The following ACOXL variants were observed in gnomAD, a reference collection of about 807,000 sequenced individuals.
The protein encoded by ACOXL is acyl-CoA oxidase like.
In ACOXL, 70 loss-of-function variants were observed where a neutral mutation model predicts 71.9. That is an observed-to-expected ratio of 0.97 (90% CI 0.80 to 1.19). The LOEUF is 1.19. ACOXL is among the 50% of genes most tolerant of loss of function. The pLI is 0.00. For missense variants in ACOXL, 703 were observed against 736.3 expected (o/e 0.95, Z 0.52); for synonymous variants, 253 against 281.6 (o/e 0.90, Z 1.02).
intron 16 of ACOXL, among the ~76,000 whole-genome samples, chr2:111,053,766 T>G (rs182328874): frequency 9.2e-5 from 14 of 152,276 alleles, no homozygotes; most frequent in African/African-American, 3.1e-4. Context: ...TGCCTCCAAT[T>G]TGGGTGGGAG....
chr2:110,808,955 C>T (rs1686990567), intron 9 of ACOXL, among the ~76,000 whole-genome samples: 1 of 152,134 alleles, frequency 6.6e-6, no homozygotes, highest in South Asian at 2.1e-4. Context: ...ACATAGCAGA[C>T]AAACAGCAAA....
intron 17 of ACOXL, among the ~76,000 whole-genome samples, chr2:111,108,123 T>C (rs2069673140): frequency 6.6e-6 from 1 of 151,872 alleles, no homozygotes; most frequent in African/African-American, 2.4e-5. Context: ...ATGTATCGGG[T>C]TTTTCATAAT....
At chr2:111,094,415 A>G (rs1194921239) in intron 17 of ACOXL, 1 of 152,232 alleles carries the variant, frequency 6.6e-6, no homozygotes, top group Non-Finnish European at 1.5e-5. Context: ...TAAAGAAAAG[A>G]CATGCATTGC....
chr2:110,741,680 G>A (rs1305336740), intron 1 of ACOXL, among the ~76,000 whole-genome samples: 1 of 152,236 alleles, frequency 6.6e-6, no homozygotes, highest in Non-Finnish European at 1.5e-5. Flanking sequence ...TTGTCATCGA[G>A]TAACATCTCA....
intron 10 of ACOXL, among the ~76,000 whole-genome samples, chr2:110,900,150 G>A (rs1221324589): frequency 6.6e-6 from 1 of 150,552 alleles, no homozygotes; most frequent in Non-Finnish European, 1.5e-5. Context: ...AAAAGTCAGT[G>A]GACTTAGCTT....
intron 9 of ACOXL, among the ~76,000 whole-genome samples, chr2:110,821,829 G>T (rs1397795563): frequency 1.3e-5 from 2 of 151,834 alleles, no homozygotes; most frequent in Non-Finnish European, 2.9e-5. Context: ...TTATACTTTG[G>T]GTTATAATCT....
chr2:111,014,234 G>A (rs6730256), intron 14 of ACOXL, among the ~76,000 whole-genome samples: 13,328 of 152,048 alleles, frequency 0.088, 725 homozygotes, highest in East Asian at 0.22. Context: ...CCAGTGCAAC[G>A]AGACAGGAAA....
chr2:110,826,346 G>A (rs1006426256), intron 9 of ACOXL, among the ~76,000 whole-genome samples: 1 of 152,176 alleles, frequency 6.6e-6, no homozygotes, highest in Non-Finnish European at 1.5e-5. Flanking sequence ...CAGGTATTCA[G>A]TCACCTTCTA....
rs543332689 is a variant in ACOXL at position 110,873,323 on chromosome 2, C to T, written c.788+31918C>T. ...CCAGTGGGAGATCTGGGAGGAGGCTCGGTGGCAGCCAGAAGGCCTGGCCCC... is the reference window on the plus strand; with the variant it reads ...CCAGTGGGAGATCTGGGAGGAGGCTTGGTGGCAGCCAGAAGGCCTGGCCCC... On this transcript the variant is annotated intron_variant, in intron 10 of 17. Transcript: ENST00000439055. 3.3e-5 allele frequency among the ~76,000 whole-genome samples: 5 copies of T among 152,046 alleles called. No homozygotes were observed. In the East Asian group the frequency reaches 5.8e-4, roughly 18 times the overall value.
intron 14 of ACOXL, among the ~76,000 whole-genome samples, chr2:111,010,937 G>T (rs2064122246): frequency 6.6e-6 from 1 of 152,190 alleles, no homozygotes; most frequent in African/African-American, 2.4e-5. Flanking sequence ...AAATGCTAAG[G>T]AAGGTACTTT....
At chr2:111,018,714 G>GT (rs1329921132) in intron 14 of ACOXL, among the ~76,000 whole-genome samples, 2 of 135,006 alleles carry the variant, frequency 1.5e-5, no homozygotes, top group Admixed American at 1.4e-4. Flanking sequence ...AGGCTGGAGG[G>GT]GGTGTTGGTG....
chr2:110,924,348 T>A (rs1008597519), intron 11 of ACOXL, among the ~76,000 whole-genome samples: 1 of 152,206 alleles, frequency 6.6e-6, no homozygotes, highest in Non-Finnish European at 1.5e-5. Context: ...ACTCTTCCTT[T>A]CATGAAACAT....
rs1232803373 is a variant in ACOXL at position 111,104,650 on chromosome 2, T to C, written c.1542+11684T>C. Among the ~76,000 whole-genome samples the C allele has an allele frequency of 2.0e-5, 3 of 152,330 alleles. No individual in the cohort carries two copies. The East Asian group carries it at 5.8e-4, about 29-fold the overall frequency. The stretch of plus-strand genomic sequence containing the variant: ...CTGTATGTTCTCTTTGTTGAAAAGT[T>C]TGTTCACTTCATTTGCCCATTTCTA... On this transcript the variant is annotated intron_variant, in intron 17 of 17. Transcript: ENST00000439055.
intron 2 of ACOXL, among the ~76,000 whole-genome samples, chr2:110,779,280 A>G (rs1001852831): frequency 3.9e-5 from 6 of 152,176 alleles, no homozygotes; most frequent in Admixed American, 2.6e-4. Flanking sequence ...CTGGCCTACT[A>G]TGTGGCCCCT....
chr2:110,737,915 G>T (rs1677065025), intron 1 of ACOXL, among the ~76,000 whole-genome samples: 1 of 152,212 alleles, frequency 6.6e-6, no homozygotes. Context: ...ATTCATTAAG[G>T]CTACTCCTGT....
intron 10 of ACOXL, among the ~76,000 whole-genome samples, chr2:110,855,473 C>T (rs1206177254): frequency 2.6e-5 from 4 of 152,106 alleles, no homozygotes; most frequent in East Asian, 1.9e-4. Context: ...ATATGAGATA[C>T]GATTTGAGAA....
At chr2:110,948,451 G>A (rs2061196574) in intron 12 of ACOXL, among the ~76,000 whole-genome samples, 1 of 152,126 alleles carries the variant, frequency 6.6e-6, no homozygotes, top group African/African-American at 2.4e-5. Context: ...TCTGGCATCA[G>A]CCAACCCTTG....
chr2:111,037,337 G>A (rs2065565053), intron 15 of ACOXL, among the ~76,000 whole-genome samples: 1 of 152,214 alleles, frequency 6.6e-6, no homozygotes, highest in Non-Finnish European at 1.5e-5. Flanking sequence ...CTCCTTTGAA[G>A]GAAGTGAGAA....
chr2:110,857,508 C>T (rs1693404622), intron 10 of ACOXL, among the ~76,000 whole-genome samples: 1 of 152,032 alleles, frequency 6.6e-6, no homozygotes, highest in African/African-American at 2.4e-5. Context: ...AGGGTTTGGG[C>T]CAACAACTGG....
Sources: allele counts gnomAD v4.1 joint callset (sites outside exome capture counted in the v4.1 genomes callset), GRCh38; gene constraint gnomAD v4.1.1; transcripts MANE v1.5; gene names NCBI Gene and HGNC (gene_info 2026-07-23, HGNC 2026-07-21).